The following B3GALNT2 variants were observed in gnomAD, a reference collection of about 807,000 sequenced individuals.
B3GALNT2 encodes UDP-GalNAc:beta-1,3-N-acetylgalactosaminyltransferase 2.
B3GALNT2 carries 53 observed loss-of-function variants against 61.1 expected under a neutral mutation model. That is an observed-to-expected ratio of 0.87 (90% CI 0.70 to 1.09). The LOEUF (loss-of-function observed/expected upper bound fraction) is 1.09. Among genes scored for constraint, B3GALNT2 ranks in the 50% least tolerant of loss-of-function variants. The pLI is 0.00. For synonymous variants in B3GALNT2, 223 were observed against 237.4 expected (o/e 0.94, Z 0.56); for missense variants, 544 against 623.0 (o/e 0.87, Z 1.35).
chr1:235,477,794 T>G (rs950313749), intron 5 of B3GALNT2, among the ~76,000 whole-genome samples: 1 of 152,154 alleles, frequency 6.6e-6, no homozygotes, highest in Non-Finnish European at 1.5e-5. Context: ...TCTTAAAGAA[T>G]AGGACCCCCT....
intron 6 of B3GALNT2, among the ~76,000 whole-genome samples, chr1:235,469,421 T>C (rs1683880320): frequency 6.6e-6 from 1 of 152,262 alleles, no homozygotes; most frequent in Non-Finnish European, 1.5e-5. Context: ...TTTATTGACC[T>C]ATATTTACTT....
rs751389329 is a variant in B3GALNT2 at position 235,470,840 on chromosome 1, AACGACTT to A, written c.762+3_762+9del. ...AATATGCAATTAAACCTTAAAAAAA[AACGACTT>A]ACTGTAATGACTCTGAGAACTCCCC... On this transcript the variant is annotated splice_donor_5th_base_variant and intron_variant, in intron 6 of 11. Coordinates refer to ENST00000366600, the MANE Select transcript of B3GALNT2 (RefSeq NM_152490.5). 6.2e-7 allele frequency: 1 copy of A among 1,607,596 alleles called. No individual in the cohort carries two copies. Among genetic ancestry groups the A allele is most frequent in the Non-Finnish European group, 8.5e-7 (1 of 1,177,950 alleles).
intron 1 of B3GALNT2, among the ~76,000 whole-genome samples, chr1:235,495,342 G>A (rs1045446777): frequency 1.3e-5 from 2 of 152,034 alleles, no homozygotes; most frequent in African/African-American, 4.8e-5. Context: ...GGCATTCAAT[G>A]GCAACTAAAA....
intron 2 of B3GALNT2, among the ~76,000 whole-genome samples, chr1:235,493,532 C>T (rs1572555290): frequency 6.6e-6 from 1 of 152,018 alleles, no homozygotes. Flanking sequence ...AATCCCAGCA[C>T]TTTGGGAGGC....
downstream of B3GALNT2, among the ~76,000 whole-genome samples, chr1:235,446,872 T>C (rs753924035): frequency 2.0e-5 from 3 of 151,896 alleles, no homozygotes; most frequent in African/African-American, 7.3e-5. Context: ...TTTGTAGAGA[T>C]GGGGTATCCT....
the B3GALNT2 span, among the ~76,000 whole-genome samples, chr1:235,440,213 A>G: frequency 8.9e-4 from 136 of 151,976 alleles, no homozygotes; most frequent in South Asian, 2.9e-3. Context: ...CTTGTGATCC[A>G]CCCACCTTGG....
rs1683282264 is a variant in B3GALNT2, at chr1:235,458,754, G to A, written c.874C>T (p.Arg292Cys). Residue 292 changes from arginine to cysteine, a missense_variant, in exon 8 of 12, where the codon CGC (arginine) becomes TGC (cysteine). Physicochemically the swap from Arg to Cys is radical, Grantham distance 180. Transcript: ENST00000366600. ...GDALLHNLHS[R>C]PQRLIDHIRN... The stretch of plus-strand genomic sequence containing the variant: ...ATATGATCAATAAGTCTTTGAGGGC[G>A]AGAATGAAGGTTGTGTAAGAGAGCA... 5 of 1,600,902 alleles carry A rather than the reference G, an allele frequency of 3.1e-6. No homozygotes were observed. The highest frequency in any genetic ancestry group is 3.4e-6 in the Non-Finnish European group (4 of 1,176,138).
rs745945196 is a variant in B3GALNT2, at chr1:235,484,336, G to A, written c.541C>T (p.Gln181Ter). Residue 181 changes from glutamine (Q) to a stop codon, truncating the protein, a stop_gained, in exon 4 of 12, where the codon CAG (glutamine) becomes TAG (stop). Transcript: ENST00000366600. LOFTEE classifies it high-confidence loss of function. The stretch of plus-strand genomic sequence containing the variant: ...GCAGTGCATACCTCTTGTTCTGCCT[G>A]ATAAAGTTTGACAGTGATGTTCCTC... ...FQRNITVKLY[Q>*]AEQEEALFIA... 1.2e-6 allele frequency: 2 copies of A among 1,613,974 alleles called. No individual in the cohort carries two copies.
chr1:235,472,559 C>A (rs868816891), intron 5 of B3GALNT2, among the ~76,000 whole-genome samples: 8 of 152,328 alleles, frequency 5.3e-5, no homozygotes, highest in Middle Eastern at 3.4e-3. Context: ...ACTGCCTCTA[C>A]TAGAAGACAA....
intron 2 of B3GALNT2, among the ~76,000 whole-genome samples, chr1:235,494,333 G>A (rs1366527756): frequency 6.6e-6 from 1 of 152,096 alleles, no homozygotes; most frequent in South Asian, 2.1e-4. Flanking sequence ...GGCTTAAAAT[G>A]TTGGTTAAAT....
At position 235,448,437 on chromosome 1, in the gene B3GALNT2, C is replaced by CAAAGT. The variant is rs746593718; in HGVS notation, c.*1764_*1768dup. The stretch of plus-strand genomic sequence containing the variant: ...ACCTTCTGTTGTCCTATGAAAGTCC[C>CAAAGT]AAAGTAAGTTGCCCAGCAAAATACA... On this transcript the variant is annotated 3_prime_UTR_variant, in exon 12 of 12. Transcript: ENST00000366600. 67 of 1,613,784 alleles carry CAAAGT rather than the reference C, an allele frequency of 4.2e-5. No individual in the cohort carries two copies. The highest frequency in any genetic ancestry group is 8.0e-5 in the African/African-American group (6 of 74,870).
At position 235,449,114 on chromosome 1, in the gene B3GALNT2, A is replaced by C. The variant is rs771536610; in HGVS notation, c.*1092T>G. 2.4e-5 allele frequency: 7 copies of C among 286,624 alleles called. No homozygotes were observed. The highest frequency in any genetic ancestry group is 4.0e-5 in the Non-Finnish European group (6 of 148,256). The allele number at this position is 286,624 out of a possible 1,614,324, so 17.8% of individuals were successfully genotyped here. The stretch of plus-strand genomic sequence containing the variant: ...CTGTCATAAGACTAGTTTTAATGGA[A>C]TTCTCTATTGAAACTACTATTTTAA... On this transcript the variant is annotated 3_prime_UTR_variant, in exon 12 of 12. Transcript: ENST00000366600.
intron 2 of B3GALNT2, among the ~76,000 whole-genome samples, chr1:235,493,346 G>A (rs1685168956): frequency 6.6e-6 from 1 of 152,162 alleles, no homozygotes; most frequent in South Asian, 2.1e-4. Flanking sequence ...TTTGGAGGTG[G>A]TTCTGATAGT....
At chr1:235,455,125 TTTA>T (rs915440002) in intron 9 of B3GALNT2, among the ~76,000 whole-genome samples, 45 of 147,694 alleles carry the variant, frequency 3.0e-4, no homozygotes, top group African/African-American at 1.1e-3. Context: ...TAATATAAAA[TTTA>T]TTATTATTAT....
chr1:235,503,147 T>G (rs1305952528), intron 1 of B3GALNT2, among the ~76,000 whole-genome samples: 15 of 152,228 alleles, frequency 9.9e-5, no homozygotes, highest in Admixed American at 9.8e-4. Context: ...CTGCAAACAC[T>G]CAATTCTAAT....
chr1:235,467,478 ATTTACTTTT>A (rs1417644874), intron 6 of B3GALNT2, among the ~76,000 whole-genome samples: 11 of 138,458 alleles, frequency 7.9e-5, no homozygotes, highest in Admixed American at 1.6e-4. Flanking sequence ...TTATTTACTT[ATTTACTTTT>A]TTTTTTTTTT....
chr1:235,487,083 C>T (rs1349957338), intron 3 of B3GALNT2, among the ~76,000 whole-genome samples: 1 of 151,696 alleles, frequency 6.6e-6, no homozygotes, highest in Non-Finnish European at 1.5e-5. Flanking sequence ...ATCGCTTGAA[C>T]CTGGGAGGTG....
intron 1 of B3GALNT2, among the ~76,000 whole-genome samples, chr1:235,498,144 T>A (rs11582678): frequency 1.3e-5 from 2 of 152,168 alleles, no homozygotes; most frequent in Non-Finnish European, 2.9e-5. Context: ...TCCTGAGTAC[T>A]GTGTTACACA....
chr1:235,476,405 C>T (rs1427924181), intron 5 of B3GALNT2, among the ~76,000 whole-genome samples: 3 of 147,720 alleles, frequency 2.0e-5, no homozygotes, highest in African/African-American at 7.5e-5. Flanking sequence ...AGCGAGACTC[C>T]GTTTCTAAAC....
Sources: allele counts gnomAD v4.1 joint callset (sites outside exome capture counted in the v4.1 genomes callset), GRCh38; gene constraint gnomAD v4.1.1; transcripts MANE v1.5; gene names NCBI Gene and HGNC (gene_info 2026-07-23, HGNC 2026-07-21).